The following FBXW11 variants were observed in gnomAD, a reference collection of about 807,000 sequenced individuals.
FBXW11 encodes F-box and WD repeat domain containing 11, also known as F-box/WD repeat-containing protein 11.
FBXW11 carries 19 observed loss-of-function variants against 77.6 expected under a neutral mutation model. That is an observed-to-expected ratio of 0.24 (90% CI 0.17 to 0.36). The LOEUF (loss-of-function observed/expected upper bound fraction) is 0.36. FBXW11 is among the 10% of genes least tolerant of loss of function. The pLI, the probability that FBXW11 is intolerant of heterozygous loss-of-function variation, is 1.00. For synonymous variants in FBXW11, 235 were observed against 249.4 expected, an observed-to-expected ratio of 0.94 and a Z score of 0.54; for missense variants, 334 against 704.2, an observed-to-expected ratio of 0.47 and a Z score of 5.95.
chr5:171,919,028 C>T (rs940828349), intron 2 of FBXW11, among the ~76,000 whole-genome samples: 3 of 152,164 alleles, frequency 2.0e-5, no homozygotes, highest in African/African-American at 7.2e-5. Context: ...GCCCGTGTGA[C>T]AGTCTGTGAT....
chr5:171,934,309 T>C (rs1237022924), intron 2 of FBXW11, among the ~76,000 whole-genome samples: 1 of 151,842 alleles, frequency 6.6e-6, no homozygotes, highest in Non-Finnish European at 1.5e-5. Context: ...ACTCAAAAAA[T>C]AAAAACAAAA....
In FBXW11 at chr5:172,006,606, C is replaced by T. The variant is rs1047643546; in HGVS notation, c.-104G>A. 2.2e-6 allele frequency: 3 copies of T among 1,348,592 alleles called. No individual in the cohort carries two copies. The highest frequency in any genetic ancestry group is 3.9e-5 in the Admixed American group (1 of 25,342). 83.5% of individuals were successfully genotyped at this position (1,348,592 alleles called of 1,614,324 possible). ...CAGAGGCGGAGGCGGCTATCGCACC[C>T]ACTCTAGCTGCCAGCCCGCCCGGGC... On this transcript the variant is annotated 5_prime_UTR_variant, in exon 1 of 14. Coordinates refer to ENST00000517395, the MANE Select transcript of FBXW11 (RefSeq NM_001378974.1).
At position 172,006,615 on chromosome 5, in the gene FBXW11, T is replaced by C; in HGVS notation, c.-113A>G. 1.5e-6 allele frequency: 2 copies of C among 1,305,446 alleles called. No homozygotes were observed. The highest frequency in any genetic ancestry group is 2.0e-6 in the Non-Finnish European group (2 of 1,025,512). The allele number at this position is 1,305,446 out of a possible 1,614,324, so 80.9% of individuals were successfully genotyped here. A position where few individuals can be genotyped will look rare whatever the true frequency, so the allele number is the denominator to read the frequency against. Reference sequence around the variant, plus strand: ...AGGCGGCTATCGCACCCACTCTAGCTGCCAGCCCGCCCGGGCCGCCGGCAG... The same window carrying C: ...AGGCGGCTATCGCACCCACTCTAGCCGCCAGCCCGCCCGGGCCGCCGGCAG... On this transcript the variant is annotated 5_prime_UTR_variant, in exon 1 of 14. Coordinates refer to ENST00000517395, the MANE Select transcript of FBXW11 (RefSeq NM_001378974.1).
intron 10 of FBXW11, among the ~76,000 whole-genome samples, chr5:171,872,304 T>A (rs1190835597): frequency 2.0e-5 from 3 of 152,222 alleles, no homozygotes; most frequent in Admixed American, 6.5e-5. Context: ...TTAAGTTTAG[T>A]CACTTATGTA....
At chr5:171,981,144 C>A (rs1765123201) in intron 1 of FBXW11, among the ~76,000 whole-genome samples, 1 of 40,000 alleles carries the variant, frequency 2.5e-5, no homozygotes, top group African/African-American at 4.4e-5. Context: ...ATGTGACCTC[C>A]ATTAAAAAAA....
intron 7 of FBXW11, among the ~76,000 whole-genome samples, chr5:171,888,039 T>C (rs764053903): frequency 2.6e-5 from 4 of 152,074 alleles, no homozygotes; most frequent in African/African-American, 2.4e-5. Context: ...TAGCAAAACA[T>C]GCAGCTAAAA....
At chr5:172,003,994 A>G (rs890979382) in intron 1 of FBXW11, among the ~76,000 whole-genome samples, 1 of 152,338 alleles carries the variant, frequency 6.6e-6, no homozygotes. Context: ...AAATCTAAAA[A>G]TATTTCATGC....
chr5:171,923,446 T>C (rs1026101814), intron 2 of FBXW11, among the ~76,000 whole-genome samples: 1 of 152,248 alleles, frequency 6.6e-6, no homozygotes, highest in Non-Finnish European at 1.5e-5. Context: ...TGCTGTCATC[T>C]TGCTCAAGAA....
At chr5:171,955,024 A>T (rs1763536721) in intron 2 of FBXW11, among the ~76,000 whole-genome samples, 1 of 152,192 alleles carries the variant, frequency 6.6e-6, no homozygotes, top group African/African-American at 2.4e-5. Context: ...CATATCAGAA[A>T]ATTGGAGATA....
At chr5:171,939,711 A>G (rs913665865) in intron 2 of FBXW11, among the ~76,000 whole-genome samples, 9 of 151,406 alleles carry the variant, frequency 5.9e-5, no homozygotes, top group East Asian at 1.9e-4. Context: ...AAAAAAAAAA[A>G]AAAAAAAGAA....
chr5:171,934,613 G>T (rs760178724), intron 2 of FBXW11, among the ~76,000 whole-genome samples: 1 of 150,828 alleles, frequency 6.6e-6, no homozygotes, highest in Non-Finnish European at 1.5e-5. Context: ...GGAGGCAGAG[G>T]TTGCAGCGAG....
intron 4 of FBXW11, among the ~76,000 whole-genome samples, chr5:171,910,099 C>T (rs1760789932): frequency 7.7e-6 from 1 of 129,998 alleles, no homozygotes; most frequent in African/African-American, 2.9e-5. Context: ...GAGTCTCGCT[C>T]TTGTTACCCA....
chr5:171,995,340 T>C (rs1261419854), intron 1 of FBXW11, among the ~76,000 whole-genome samples: 1 of 152,212 alleles, frequency 6.6e-6, no homozygotes, highest in East Asian at 1.9e-4. Flanking sequence ...TTTAAATGCA[T>C]TGTCTCTCCT....
intron 1 of FBXW11, among the ~76,000 whole-genome samples, chr5:171,982,519 T>C (rs1180526041): frequency 6.6e-6 from 1 of 151,922 alleles, no homozygotes; most frequent in Non-Finnish European, 1.5e-5. Flanking sequence ...GGCAATCCAC[T>C]CCTAAAGTGC....
At chr5:171,911,799 G>C (rs372055086) in intron 3 of FBXW11, among the ~76,000 whole-genome samples, 9 of 152,088 alleles carry the variant, frequency 5.9e-5, no homozygotes, top group African/African-American at 1.7e-4. Flanking sequence ...ACTGCATCTG[G>C]ACAGTAACAT....
intron 2 of FBXW11, 106 bp from the exon 3 acceptor site, chr5:171,914,511 C>T: frequency 1.1e-6 from 1 of 908,650 alleles, no homozygotes; most frequent in Non-Finnish European, 1.6e-6. Context: ...CCAATACAAA[C>T]CCAAGAACTA....
intron 1 of FBXW11, among the ~76,000 whole-genome samples, chr5:171,983,429 G>A (rs1333962025): frequency 4.6e-5 from 7 of 152,088 alleles, no homozygotes; most frequent in South Asian, 2.1e-4. Context: ...TATGGGTAGC[G>A]GGAACCCCAA....
intron 1 of FBXW11, among the ~76,000 whole-genome samples, chr5:171,974,253 G>A (rs1398139978): frequency 2.6e-5 from 4 of 152,042 alleles, no homozygotes; most frequent in Non-Finnish European, 5.9e-5. Flanking sequence ...TGACCAACAT[G>A]GAGAAACCCC....
At position 171,878,596 on chromosome 5, in the gene FBXW11, G is replaced by GACAC. The variant is rs60905065; in HGVS notation, c.853-468_853-467insGTGT. ...TGTGTGTGTGTGTGTGTGTGTAAGA[G>GACAC]AGAGAGAGTGTGTGTGTGTGTGTGT... On this transcript the variant is annotated intron_variant, in intron 7 of 13. Coordinates refer to ENST00000517395, the MANE Select transcript of FBXW11 (RefSeq NM_001378974.1). Among the ~76,000 whole-genome samples, 5 of 134,550 alleles carry GACAC rather than the reference G, an allele frequency of 3.7e-5. 1 individual carries two copies. In the South Asian group the frequency reaches 9.6e-4, roughly 26 times the overall value. The allele number at this position is 134,550 out of a possible 152,430, so 88.3% of individuals were successfully genotyped here.
Sources: allele counts gnomAD v4.1 joint callset (sites outside exome capture counted in the v4.1 genomes callset), GRCh38; gene constraint gnomAD v4.1.1; transcripts MANE v1.5; gene names NCBI Gene and HGNC (gene_info 2026-07-23, HGNC 2026-07-21).